The following IL34 variants were observed in gnomAD, a reference collection of about 807,000 sequenced individuals.
The protein encoded by IL34 is interleukin-34.
In IL34, 17 loss-of-function variants were observed where a neutral mutation model predicts 25.3. That is an observed-to-expected ratio of 0.67 (90% CI 0.46 to 1.01). The LOEUF is 1.01. IL34 is among the 50% of genes least tolerant of loss of function. The probability of loss-of-function intolerance (pLI) is 0.00; values close to 1 mark genes in which losing one functional copy is unlikely to be tolerated. For synonymous variants in IL34, 174 were observed against 140.9 expected (o/e 1.23, Z -1.66); for missense variants, 368 against 312.9 (o/e 1.18, Z -1.33).
At chr16:70,633,517 G>A (rs1373306295) in intron 1 of IL34, among the ~76,000 whole-genome samples, 1 of 151,986 alleles carries the variant, frequency 6.6e-6, no homozygotes, top group African/African-American at 2.4e-5. Context: ...CTCCAACCTC[G>A]GCCTCCCAAA....
rs535519682 is a variant in IL34 at position 70,611,512 on chromosome 16, G to C, written c.-401+31463G>C. On this transcript the variant is annotated intron_variant, in intron 1 of 6. Transcript: ENST00000429149. ...CTATTTAAAAACAGCCTTCGGGCTG[G>C]GTGCAGTGGCTCACACCTGTAATCC... Among the ~76,000 whole-genome samples, 649 of 152,220 alleles carry C rather than the reference G, an allele frequency of 4.3e-3. 2 individuals are homozygous for C. The highest frequency in any genetic ancestry group is 0.015 in the African/African-American group (611 of 41,540).
chr16:70,603,907 C>A (rs2050958336), intron 1 of IL34, among the ~76,000 whole-genome samples: 1 of 152,132 alleles, frequency 6.6e-6, no homozygotes, highest in Non-Finnish European at 1.5e-5. Flanking sequence ...TGAGGAGATT[C>A]CATCGTATGG....
intron 1 of IL34, among the ~76,000 whole-genome samples, chr16:70,624,934 A>G (rs2051358877): frequency 6.6e-6 from 1 of 151,734 alleles, no homozygotes; most frequent in African/African-American, 2.4e-5. Context: ...AAGAAGGAAG[A>G]TTTGGTACGA....
intron 2 of IL34, among the ~76,000 whole-genome samples, chr16:70,656,202 C>T (rs935398640): frequency 5.3e-5 from 8 of 152,246 alleles, no homozygotes; most frequent in South Asian, 2.1e-4. Context: ...CCACCTCTGC[C>T]GTCAAAGGTC....
chr16:70,590,333 T>G (rs936083901), intron 1 of IL34, among the ~76,000 whole-genome samples: 1 of 152,168 alleles, frequency 6.6e-6, no homozygotes, highest in Non-Finnish European at 1.5e-5. Flanking sequence ...GAACTCATGA[T>G]CAGAGATGTC....
chr16:70,620,950 G>C (rs1369972165), intron 1 of IL34, among the ~76,000 whole-genome samples: 2 of 152,144 alleles, frequency 1.3e-5, no homozygotes, highest in Non-Finnish European at 2.9e-5. Context: ...CCAGAGAAAA[G>C]AGTAGAGACA....
chr16:70,591,317 T>C (rs192099828), intron 1 of IL34, among the ~76,000 whole-genome samples: 3 of 152,280 alleles, frequency 2.0e-5, no homozygotes, highest in Non-Finnish European at 4.4e-5. Context: ...AGTGATCCAG[T>C]GCCCTCCTTT....
At chr16:70,620,628 C>A (rs945551913) in intron 1 of IL34, among the ~76,000 whole-genome samples, 4 of 152,112 alleles carry the variant, frequency 2.6e-5, no homozygotes, top group African/African-American at 9.7e-5. Context: ...GTACGAGTTG[C>A]ATTGGGCACA....
rs551546303 is a variant in IL34 at position 70,620,427 on chromosome 16, C to A, written c.-400-26121C>A. Among the ~76,000 whole-genome samples the A allele has an allele frequency of 7.9e-3, 1,162 of 146,696 alleles. 9 individuals carry two copies. Among genetic ancestry groups the A allele is most frequent in the African/African-American group, 0.027 (1,001 of 37,770 alleles). ...CACGCAACGAAACTGTAAGCCCCAC[C>A]AGGTGTGAGGAGGGGAGGTGATAAA... On this transcript the variant is annotated intron_variant, in intron 1 of 6. Transcript: ENST00000429149.
chr16:70,616,152 G>A, intron 1 of IL34, among the ~76,000 whole-genome samples: 1 of 152,210 alleles, frequency 6.6e-6, no homozygotes, highest in Non-Finnish European at 1.5e-5. Context: ...CTGATGAGAT[G>A]AAAAATCTCA....
Position 70,591,286 on chromosome 16 carries a change from A to G in IL34, c.-401+11237A>G, listed in dbSNP as rs556914798. ...ACTCCAACCTGGCCCCTGATAGGCC[A>G]TAAATACCATTCCTGATGGCAGTGA... On this transcript the variant is annotated intron_variant, in intron 1 of 6. Coordinates refer to the IL34 transcript ENST00000429149. 3.9e-5 allele frequency among the ~76,000 whole-genome samples: 6 copies of G among 152,300 alleles called. No homozygotes were observed. The East Asian group carries it at 1.2e-3, about 29-fold the overall frequency.
chr16:70,614,736 C>G (rs2051148157), intron 1 of IL34, among the ~76,000 whole-genome samples: 1 of 152,186 alleles, frequency 6.6e-6, no homozygotes, highest in East Asian at 1.9e-4. Flanking sequence ...GCAATATTCA[C>G]ATAAAGCATT....
At chr16:70,623,130 AT>A (rs1248586821) in intron 1 of IL34, among the ~76,000 whole-genome samples, 1 of 152,050 alleles carries the variant, frequency 6.6e-6, no homozygotes, top group East Asian at 1.9e-4. Context: ...TTTGGGCTTG[AT>A]TGAAGTAATG....
chr16:70,657,942 CAG>C (rs1375638697), intron 4 of IL34, among the ~76,000 whole-genome samples: 1 of 152,176 alleles, frequency 6.6e-6, no homozygotes, highest in African/African-American at 2.4e-5. Context: ...CTGACCCGCT[CAG>C]AGAAATTGAT....
chr16:70,590,816 G>A (rs923883432), intron 1 of IL34, among the ~76,000 whole-genome samples: 4 of 152,114 alleles, frequency 2.6e-5, no homozygotes, highest in Non-Finnish European at 5.9e-5. Flanking sequence ...TCCCAAACCC[G>A]TCCCCCCGCA....
At chr16:70,625,942 A>G (rs2151843490) in intron 1 of IL34, among the ~76,000 whole-genome samples, 1 of 152,324 alleles carries the variant, frequency 6.6e-6, no homozygotes, top group South Asian at 2.1e-4. Context: ...TCTTTCTCAC[A>G]GAGCAAAGAG....
At chr16:70,619,476 G>A (rs1280428423) in intron 1 of IL34, among the ~76,000 whole-genome samples, 3 of 152,144 alleles carry the variant, frequency 2.0e-5, no homozygotes, top group Non-Finnish European at 4.4e-5. Context: ...AAAAAGGAGT[G>A]CTTAAAAGAG....
chr16:70,582,519 C>T (rs754623352), intron 1 of IL34, among the ~76,000 whole-genome samples: 3 of 152,374 alleles, frequency 2.0e-5, no homozygotes, highest in South Asian at 2.1e-4. Context: ...TGGACCTCTC[C>T]GACCCCCAGT....
At chr16:70,613,328 G>T (rs2051119626) in intron 1 of IL34, among the ~76,000 whole-genome samples, 1 of 152,182 alleles carries the variant, frequency 6.6e-6, no homozygotes, top group South Asian at 2.1e-4. Flanking sequence ...TCTTGGCTCA[G>T]GCAGGCTTGT....
Sources: allele counts gnomAD v4.1 joint callset (sites outside exome capture counted in the v4.1 genomes callset), GRCh38; gene constraint gnomAD v4.1.1; transcripts MANE v1.5; gene names NCBI Gene and HGNC (gene_info 2026-07-23, HGNC 2026-07-21).